Variants in NUP214 observed in about 807,000 individuals in gnomAD.
The protein encoded by NUP214 is nuclear pore complex protein Nup214.
NUP214 carries 79 observed loss-of-function variants against 196.2 expected under a neutral mutation model. The ratio of observed to expected loss-of-function variants is 0.40; its 90% confidence interval spans 0.34 to 0.49. The LOEUF is 0.49. Among genes scored for constraint, NUP214 ranks in the 20% least tolerant of loss-of-function variants. The pLI, the probability that NUP214 is intolerant of heterozygous loss-of-function variation, is 0.58. For missense variants in NUP214, 2,468 were observed against 2,539.0 expected (o/e 0.97, Z 0.60); for synonymous variants, 1,020 against 990.5 (o/e 1.03, Z -0.56).
Position 131,189,100 on chromosome 9 carries a change from C to T in NUP214, c.3543C>T (p.Ser1181=), listed in dbSNP as rs368440952. 33 of 1,613,896 alleles carry T rather than the reference C, an allele frequency of 2.0e-5. No homozygotes were observed. Among genetic ancestry groups the T allele is most frequent in the African/African-American group, 1.3e-4 (10 of 74,912 alleles). The part of the protein sequence containing the change: ...SLKPSGPTPA[S]GQLSSGDKAS... ...AGCCATCTGGGCCTACACCAGCATC[C>T]GGTCAGTTATCATCTGGTGACAAAG... The change falls in exon 26 of 36, where the codon TCC becomes TCT. Residue 1181 remains serine (S), a synonymous_variant. Coordinates refer to ENST00000359428, the MANE Select transcript of NUP214 (RefSeq NM_005085.4).
rs1014694338 is a variant in NUP214 at position 131,220,015 on chromosome 9, G to A, written c.5750-2763G>A. Among the ~76,000 whole-genome samples the A allele has an allele frequency of 2.6e-5, 4 of 152,284 alleles. No homozygotes were observed. The South Asian group carries it at 6.2e-4, about 24-fold the overall frequency. On this transcript the variant is annotated intron_variant, in intron 31 of 35. Transcript: ENST00000359428. ...AATTCAGATTGGGTCAGGCCCTGAT[G>A]TTGGATGATGCTAGTGTTTTTGCCA... is the stretch of plus-strand genomic sequence containing the variant.
At chr9:131,135,767 T>C (rs1307946361) in intron 8 of NUP214, among the ~76,000 whole-genome samples, 173 bp from the exon 9 acceptor site, 1 of 152,230 alleles carries the variant, frequency 6.6e-6, no homozygotes, top group Non-Finnish European at 1.5e-5. Context: ...TCACAGAAAC[T>C]AAAAAGTTCA....
chr9:131,190,130 T>C (rs563420548), intron 26 of NUP214: 3 of 274,140 alleles, frequency 1.1e-5, no homozygotes, highest in African/African-American at 2.2e-5. Flanking sequence ...CGGAGTGATA[T>C]GGAACCACAG....
chr9:131,140,842 C>T, intron 11 of NUP214, 132 bp downstream of exon 11: 1 of 821,066 alleles, frequency 1.2e-6, no homozygotes, highest in East Asian at 2.8e-5. Context: ...GGAAGGCACA[C>T]ACTAATCTTT....
In NUP214 at chr9:131,152,786, A is replaced by T. The variant is rs946656625; in HGVS notation, c.2436+892A>T. 6.1e-5 allele frequency among the ~76,000 whole-genome samples: 9 copies of T among 146,844 alleles called. No individual in the cohort carries two copies. In the South Asian group the frequency reaches 6.5e-4, roughly 11 times the overall value. On this transcript the variant is annotated intron_variant, in intron 17 of 35. Coordinates refer to ENST00000359428, the MANE Select transcript of NUP214 (RefSeq NM_005085.4). Reference sequence around the variant, plus strand: ...CACTTAACTTTTCTCTTGAAAAAAAATTTTTTTTTTTTTGAGACTGAGTCT... The same window carrying T: ...CACTTAACTTTTCTCTTGAAAAAAATTTTTTTTTTTTTTGAGACTGAGTCT...
At chr9:131,164,253 TGTGTGTGTAA>T in intron 21 of NUP214, 109 bp downstream of exon 21, 1 of 929,998 alleles carries the variant, frequency 1.1e-6, no homozygotes, top group Non-Finnish European at 1.7e-6. Flanking sequence ...GTGCTGTGTA[TGTGTGTGTAA>T]GTGTGTGTGT....
intron 27 of NUP214, among the ~76,000 whole-genome samples, chr9:131,193,675 A>G (rs75679855): frequency 0.056 from 1,459 of 25,926 alleles, 32 homozygotes; most frequent in African/African-American, 0.13. Context: ...ATTTTCAGGC[A>G]GAGTATCACT....
At chr9:131,171,547 C>T (rs200943189) in intron 21 of NUP214, among the ~76,000 whole-genome samples, 220 of 127,178 alleles carry the variant, frequency 1.7e-3, no homozygotes, top group Middle Eastern at 8.3e-3. Context: ...GGAAGATTTT[C>T]TTTTTTTTTT....
chr9:131,232,613 G>A lies in NUP214; in HGVS notation c.6239+305G>A. 1 of 495,236 alleles carries A rather than the reference G, an allele frequency of 2.0e-6. No homozygotes were observed. The highest frequency in any genetic ancestry group is 2.1e-5 in the South Asian group (1 of 46,856). The allele number at this position is 495,236 out of a possible 1,614,324, so 30.7% of individuals were successfully genotyped here. The stretch of plus-strand genomic sequence containing the variant: ...GGAGATGCTGCTCCTGACTTCCCTG[G>A]AGGTTTCTCAGAAGCTGCATGCTAA... On this transcript the variant is annotated intron_variant, in intron 35 of 35. Transcript: ENST00000359428. The surrounding 1 kb of genome is among the most constrained non-coding windows in gnomAD (Gnocchi z 5.1).
In NUP214 at chr9:131,125,860, T is replaced by G. The variant is rs1831331306; in HGVS notation, c.45+111T>G. On this transcript the variant is annotated intron_variant, in intron 1 of 35. Transcript: ENST00000359428. This position sits in a 1 kb window ranked among gnomAD's most constrained non-coding sequence, Gnocchi z 4.1. Reference sequence around the variant, plus strand: ...TGTCCCGCCTCCTGCTTGAACAGTTTACCGCGTTCACAGCTCTCACCAGCG... The same window carrying G: ...TGTCCCGCCTCCTGCTTGAACAGTTGACCGCGTTCACAGCTCTCACCAGCG... 8.0e-7 allele frequency: 1 copy of G among 1,257,658 alleles called. No homozygotes were observed. The highest frequency in any genetic ancestry group is 1.1e-6 in the Non-Finnish European group (1 of 902,652). 77.9% of individuals were successfully genotyped at this position (1,257,658 alleles called of 1,614,324 possible).
chr9:131,150,552 C>T lies in NUP214; in HGVS notation c.2128-64C>T, dbSNP rs894811473. The stretch of plus-strand genomic sequence containing the variant: ...CAGCAGTCTGAGCAGTTAGTAAGCA[C>T]GATAGCAGTGACATTACTGTTTGTC... On this transcript the variant is annotated intron_variant, in intron 15 of 35. Transcript: ENST00000359428. 23 of 1,591,760 alleles carry T rather than the reference C, an allele frequency of 1.4e-5. No individual in the cohort carries two copies. The African/African-American group carries it at 2.0e-4, about 14-fold the overall frequency.
At chr9:131,202,194 T>G (rs935509877) in intron 30 of NUP214, among the ~76,000 whole-genome samples, 1 of 151,968 alleles carries the variant, frequency 6.6e-6, no homozygotes, top group Admixed American at 6.6e-5. Context: ...ACTGCTGGCC[T>G]CAAACGATCC....
rs540914347 is a variant in NUP214, at chr9:131,226,160, C to T, written c.5903-2000C>T. Among the ~76,000 whole-genome samples the T allele has an allele frequency of 2.0e-5, 3 of 152,262 alleles. No homozygotes were observed. In the South Asian group the frequency reaches 6.2e-4, roughly 32 times the overall value. On this transcript the variant is annotated intron_variant, in intron 32 of 35. Coordinates refer to ENST00000359428, the MANE Select transcript of NUP214 (RefSeq NM_005085.4). ...GTTTCCTCCCCTGTGATGTAAGGAT[C>T]CCAGGCTTATTGGGAAGATTTAAGA...
In NUP214 at chr9:131,144,409, CTGG is replaced by C. The variant is rs941097859; in HGVS notation, c.1428_1430del (p.Gly477del). On this transcript the variant is annotated inframe_deletion, in exon 12 of 36. Coordinates refer to ENST00000359428, the MANE Select transcript of NUP214 (RefSeq NM_005085.4). The stretch of plus-strand genomic sequence containing the variant: ...ATTGCCACTTTTTCTTTGCTTCCTG[CTGG>C]TGGAGCCCCCACTGTGTTCTCCTTT... The C allele has an allele frequency of 7.4e-6, 12 of 1,614,044 alleles. No individual in the cohort carries two copies. Among genetic ancestry groups the C allele is most frequent in the African/African-American group, 2.7e-5 (2 of 74,910 alleles).
intron 4 of NUP214, among the ~76,000 whole-genome samples, chr9:131,130,137 G>GTTTTGTTTTTTTT (rs1564176236): frequency 2.6e-5 from 2 of 76,894 alleles, no homozygotes; most frequent in Non-Finnish European, 2.3e-5. Flanking sequence ...TTCTGGTTTT[G>GTTTTGTTTTTTTT]TTTTTTTTTT....
intron 32 of NUP214, among the ~76,000 whole-genome samples, chr9:131,226,170 T>C (rs900597618): frequency 6.6e-6 from 1 of 152,194 alleles, no homozygotes; most frequent in South Asian, 2.1e-4. Flanking sequence ...CCCAGGCTTA[T>C]TGGGAAGATT....
intron 24 of NUP214, among the ~76,000 whole-genome samples, chr9:131,182,108 G>A (rs989980909): frequency 1.7e-4 from 26 of 152,050 alleles, no homozygotes; most frequent in African/African-American, 6.3e-4. Flanking sequence ...ATTTAAAATG[G>A]GTTTCTTGTA....
chr9:131,171,966 G>A (rs1832971245), intron 21 of NUP214, among the ~76,000 whole-genome samples: 1 of 152,088 alleles, frequency 6.6e-6, no homozygotes, highest in Non-Finnish European at 1.5e-5. Flanking sequence ...TTGGACATTT[G>A]GGTTGGTTCC....
intron 16 of NUP214, among the ~76,000 whole-genome samples, chr9:131,151,309 A>T (rs1805619878): frequency 6.6e-6 from 1 of 152,206 alleles, no homozygotes; most frequent in Non-Finnish European, 1.5e-5. Flanking sequence ...CTATTTTGCA[A>T]GTCAGGAAAC....
Sources: gnomAD v4.1 joint callset for allele counts (sites outside exome capture counted in the v4.1 genomes callset) on GRCh38, gnomAD v4.1.1 for gene constraint, Gnocchi (gnomAD v3.1) non-coding constraint, MANE v1.5 for transcripts, NCBI Gene and HGNC (gene_info 2026-07-23, HGNC 2026-07-21) for gene names.